Variants in FRMPD4 observed in about 807,000 individuals in gnomAD.
FRMPD4 encodes the protein FERM and PDZ domain-containing protein 4.
A neutral mutation model predicts 94.1 loss-of-function variants in FRMPD4; 22 were observed. The ratio of observed to expected loss-of-function variants is 0.23; its 90% CI spans 0.17 to 0.33. FRMPD4 has a LOEUF of 0.33. Ranked by LOEUF, FRMPD4 falls within the 10% of genes least tolerant of loss-of-function variation. The pLI is 1.00. For synonymous variants in FRMPD4, 631 were observed against 548.6 expected (o/e 1.15, Z -2.10); for missense variants, 1,111 against 1,339.9 (o/e 0.83, Z 2.67).
At chrX:12,112,629 T>A (rs1466657762) in intron 3 of FRMPD4, among the ~76,000 whole-genome samples, 1 of 112,071 alleles carries the variant, frequency 8.9e-6, no homozygotes, top group Non-Finnish European at 1.9e-5. Flanking sequence ...AGTATTATTT[T>A]CATTTTATAA....
At chrX:12,431,884 T>G (rs1390373878) in intron 1 of FRMPD4, among the ~76,000 whole-genome samples, 1 of 112,146 alleles carries the variant, frequency 8.9e-6, no homozygotes, top group African/African-American at 3.2e-5. Flanking sequence ...ATTTCTGCCT[T>G]ATCTGGACTA....
At chrX:12,377,889 G>A (rs1407835195) in intron 1 of FRMPD4, among the ~76,000 whole-genome samples, 7 of 112,535 alleles carry the variant, frequency 6.2e-5, no homozygotes, top group South Asian at 7.5e-4. Flanking sequence ...CTCAGGAGCC[G>A]ACGAGCAGTG....
At chrX:12,246,470 T>C (rs2214177) in intron 1 of FRMPD4, among the ~76,000 whole-genome samples, 37,632 of 110,645 alleles carry the variant, frequency 0.34, 4,895 homozygotes, top group East Asian at 0.76. Context: ...AGTGGCCTGC[T>C]ATGAAACCAC....
At chrX:12,090,264 T>C in intron 3 of FRMPD4, among the ~76,000 whole-genome samples, 1 of 109,355 alleles carries the variant, frequency 9.1e-6, no homozygotes, top group Middle Eastern at 4.6e-3. Context: ...ATCTGGTCTT[T>C]TAAAAGTGTG....
At chrX:12,252,138 T>C (rs5935280) in intron 1 of FRMPD4, among the ~76,000 whole-genome samples, 33,610 of 110,818 alleles carry the variant, frequency 0.3, 4,236 homozygotes, top group Non-Finnish European at 0.41. Context: ...GTGTCCCCAT[T>C]TGACAGTGAA....
At chrX:12,480,441 G>T (rs886314022) in intron 1 of FRMPD4, among the ~76,000 whole-genome samples, 1 of 110,120 alleles carries the variant, frequency 9.1e-6, no homozygotes, top group Middle Eastern at 4.7e-3. Context: ...ATCACTGGGA[G>T]AAATGCATGT....
At chrX:12,442,807 A>G (rs1344609929) in intron 1 of FRMPD4, among the ~76,000 whole-genome samples, 2 of 111,979 alleles carry the variant, frequency 1.8e-5, no homozygotes, top group Non-Finnish European at 3.8e-5. Context: ...ATTATTCCTA[A>G]TAGACAAAAC....
At chrX:11,999,863 T>C (rs1031000926) in intron 3 of FRMPD4, among the ~76,000 whole-genome samples, 1 of 111,179 alleles carries the variant, frequency 9.0e-6, no homozygotes, top group Admixed American at 9.5e-5. Flanking sequence ...TGCATGCTGC[T>C]GATGGCTCTG....
chrX:12,071,049 T>A (rs1174198088), intron 3 of FRMPD4, among the ~76,000 whole-genome samples: 1 of 112,013 alleles, frequency 8.9e-6, no homozygotes, highest in Admixed American at 9.5e-5. Flanking sequence ...ACGTTGCAGA[T>A]GACAATAATA....
intron 2 of FRMPD4, among the ~76,000 whole-genome samples, chrX:12,552,307 T>C (rs1268973280): frequency 9.0e-6 from 1 of 111,589 alleles, no homozygotes; most frequent in Non-Finnish European, 1.9e-5. Flanking sequence ...ATAAACTACA[T>C]TATGATTTCA....
At chrX:12,586,614 G>A (rs1425121988) in intron 2 of FRMPD4, among the ~76,000 whole-genome samples, 2 of 112,286 alleles carry the variant, frequency 1.8e-5, no homozygotes, top group Non-Finnish European at 3.8e-5. Flanking sequence ...GTGGAGACCG[G>A]AAGCTAATTC....
chrX:12,484,328 C>G (rs1419389678), intron 1 of FRMPD4, among the ~76,000 whole-genome samples: 1 of 111,989 alleles, frequency 8.9e-6, no homozygotes, highest in African/African-American at 3.2e-5. Flanking sequence ...AATACACAGC[C>G]CATAAACCAG....
chrX:12,099,228 T>A lies in FRMPD4; in HGVS notation c.95+221210T>A, dbSNP rs187580252. Reference sequence around the variant, plus strand: ...TAAAACTTAAAGTATAATAAAAAAATATATATATATATTTCCAGTTGACTG... The same window carrying A: ...TAAAACTTAAAGTATAATAAAAAAAAATATATATATATTTCCAGTTGACTG... On this transcript the variant is annotated intron_variant, in intron 3 of 18. Transcript: ENST00000640291. Among the ~76,000 whole-genome samples, 835 of 110,444 alleles carry A rather than the reference T, an allele frequency of 7.6e-3. 10 individuals carry two copies. The highest frequency in any genetic ancestry group is 0.024 in the African/African-American group (736 of 30,439).
intron 2 of FRMPD4, among the ~76,000 whole-genome samples, chrX:12,588,832 G>C (rs192489112): frequency 9.0e-6 from 1 of 110,779 alleles, no homozygotes; most frequent in African/African-American, 3.4e-5. Flanking sequence ...AAATGTGTAC[G>C]TGTATAAACA....
At chrX:12,441,658 A>T (rs774366696) in intron 1 of FRMPD4, among the ~76,000 whole-genome samples, 19 of 112,228 alleles carry the variant, frequency 1.7e-4, no homozygotes, top group African/African-American at 5.8e-4. Flanking sequence ...CTTTGGCAAG[A>T]CACATTGGAG....
chrX:12,172,530 C>T (rs1231496280), intron 1 of FRMPD4, among the ~76,000 whole-genome samples: 1 of 111,762 alleles, frequency 8.9e-6, no homozygotes, highest in Non-Finnish European at 1.9e-5. Flanking sequence ...ACTGCTGGGC[C>T]CACTCCTAGG....
At chrX:12,040,145 A>C (rs1051045632) in intron 3 of FRMPD4, among the ~76,000 whole-genome samples, 16 of 110,676 alleles carry the variant, frequency 1.4e-4, no homozygotes, top group Admixed American at 1.9e-4. Flanking sequence ...TGAAATCTGT[A>C]ACTTGAAATG....
chrX:12,139,472 T>C (rs2055656861), intron 1 of FRMPD4, among the ~76,000 whole-genome samples: 1 of 108,934 alleles, frequency 9.2e-6, no homozygotes. Context: ...AGCTCCTAGA[T>C]TGACCAGGTG....
chrX:12,087,999 G>A (rs1039875228), intron 3 of FRMPD4, among the ~76,000 whole-genome samples: 12 of 112,637 alleles, frequency 1.1e-4, no homozygotes, highest in African/African-American at 2.9e-4. Flanking sequence ...CCTGAAGGGT[G>A]TAAACTCTGG....
Sources: gnomAD v4.1 joint callset for allele counts (sites outside exome capture counted in the v4.1 genomes callset) on GRCh38, gnomAD v4.1.1 for gene constraint, MANE v1.5 for transcripts, NCBI Gene and HGNC (gene_info 2026-07-23, HGNC 2026-07-21) for gene names.